Variants in PPP6R1 observed in about 807,000 individuals in gnomAD.
The protein encoded by PPP6R1 is serine/threonine-protein phosphatase 6 regulatory subunit 1.
Under a neutral mutation model 104.6 loss-of-function variants are expected in PPP6R1, and 39 were observed. The ratio of observed to expected loss-of-function variants is 0.37; its 90% CI spans 0.29 to 0.49. The LOEUF (loss-of-function observed/expected upper bound fraction) is 0.49, where lower values mean the gene tolerates loss of function less well. Ranked by LOEUF, PPP6R1 falls within the 20% of genes least tolerant of loss-of-function variation. The probability of loss-of-function intolerance (pLI) is 0.98; values close to 1 mark genes in which losing one functional copy is unlikely to be tolerated. For missense variants in PPP6R1, 1,181 were observed against 1,155.8 expected (o/e 1.02, Z -0.32); for synonymous variants, 549 against 479.0 (o/e 1.15, Z -1.91).
chr19:55,231,860 G>T lies in PPP6R1; in HGVS notation c.2248C>A (p.Gln750Lys). The T allele has an allele frequency of 6.6e-7, 1 of 1,505,222 alleles. No individual in the cohort carries two copies. Among genetic ancestry groups the T allele is most frequent in the Non-Finnish European group, 8.9e-7 (1 of 1,127,508 alleles). The allele number at this position is 1,505,222 out of a possible 1,614,324, so 93.2% of individuals were successfully genotyped here. A position where few individuals can be genotyped will look rare whatever the true frequency, so the allele number is the denominator to read the frequency against. Residue 750 changes from glutamine to lysine, a missense_variant, in exon 19 of 24, where the codon CAG becomes AAG. Gln to Lys is a moderately conservative substitution (Grantham distance 53). Coordinates refer to ENST00000412770, the MANE Select transcript of PPP6R1 (RefSeq NM_014931.4). Reference sequence around the variant, plus strand: ...GCCAGGCTCTGAGTGGGGAGGCCCTGGGGCACACTGAGGGGCCCCTGTGGG... The same window carrying T: ...GCCAGGCTCTGAGTGGGGAGGCCCTTGGGCACACTGAGGGGCCCCTGTGGG... ...PAPQGPLSVPQGLPTQSLASP... is the reference protein window; with the variant it reads ...PAPQGPLSVPKGLPTQSLASP...
Position 55,245,860 on chromosome 19 carries a change from C to T in PPP6R1, c.228-182G>A, listed in dbSNP as rs1405740873. Among the ~76,000 whole-genome samples the T allele has an allele frequency of 6.6e-6, 1 of 152,096 alleles. No individual in the cohort carries two copies. The highest frequency in any genetic ancestry group is 1.5e-5 in the Non-Finnish European group (1 of 68,014). On this transcript the variant is annotated intron_variant, in intron 2 of 23. Coordinates refer to ENST00000412770, the MANE Select transcript of PPP6R1 (RefSeq NM_014931.4). This position sits in a 1 kb window ranked among gnomAD's most constrained non-coding sequence, Gnocchi z 6.4. ...GAAACAAGGGCCCACACCAGGCCTC[C>T]TCCACCCTGCTAACACCCAACCATC... is the stretch of plus-strand genomic sequence containing the variant.
At chr19:55,231,516 T>G in intron 20 of PPP6R1, 25 bp from the exon 21 acceptor site, 1 of 1,600,332 alleles carries the variant, frequency 6.2e-7, no homozygotes, top group Non-Finnish European at 8.5e-7. Flanking sequence ...AGATCTCAGC[T>G]GCAGCTCCCA....
At chr19:55,247,805 G>C (rs2087522757) in intron 1 of PPP6R1, among the ~76,000 whole-genome samples, 1 of 152,156 alleles carries the variant, frequency 6.6e-6, no homozygotes, top group South Asian at 2.1e-4. Context: ...CCAGCACCTG[G>C]GCTGGAACAA....
At chr19:55,251,233 C>T (rs772773417) in intron 1 of PPP6R1, among the ~76,000 whole-genome samples, 6 of 152,208 alleles carry the variant, frequency 3.9e-5, no homozygotes, top group African/African-American at 4.8e-5. Context: ...GAGGTACACA[C>T]TCGTGGCCCT....
At chr19:55,228,344 C>A, downstream of PPP6R1, 1 of 1,613,782 alleles carries the variant, frequency 6.2e-7, no homozygotes, top group Non-Finnish European at 8.5e-7. Flanking sequence ...ACCAGGGCAG[C>A]GAACCAGGAC....
intron 17 of PPP6R1, chr19:55,233,123 A>C (rs549570017): frequency 6.6e-6 from 1 of 152,254 alleles, no homozygotes; most frequent in African/African-American, 2.4e-5. Context: ...GACCACTGTC[A>C]TATGTGGTCC....
At chr19:55,230,738 A>ACCC in intron 22 of PPP6R1, 36 bp downstream of exon 22, 4 of 925,634 alleles carry the variant, frequency 4.3e-6, no homozygotes, top group South Asian at 1.5e-5. Context: ...CACCAGCCCC[A>ACCC]CCCCCACCCC....
chr19:55,236,592 G>T lies in PPP6R1; in HGVS notation c.1988+51C>A, dbSNP rs955317176. ...CCAAATGTGTTGGGGGGACCCCTTG[G>T]CCCTGCCGTGTGGTGGAAGCTTGGA... On this transcript the variant is annotated intron_variant, in intron 17 of 23. Coordinates refer to ENST00000412770, the MANE Select transcript of PPP6R1 (RefSeq NM_014931.4). 1.8e-5 allele frequency: 27 copies of T among 1,462,266 alleles called. No individual in the cohort carries two copies. The Admixed American group carries it at 4.9e-4, about 26-fold the overall frequency. 90.6% of individuals were successfully genotyped at this position (1,462,266 alleles called of 1,614,324 possible). A position where few individuals can be genotyped will look rare whatever the true frequency, so the allele number is the denominator to read the frequency against.
At chr19:55,243,490 A>ACTCTATCT (rs1400330654) in intron 5 of PPP6R1, among the ~76,000 whole-genome samples, 1 of 151,738 alleles carries the variant, frequency 6.6e-6, no homozygotes, top group Non-Finnish European at 1.5e-5. Context: ...ACATAGCAAA[A>ACTCTATCT]CTCTATCTCT....
At chr19:55,236,863 A>G (rs2087403912) in intron 16 of PPP6R1, 42 bp from the exon 17 acceptor site, 1 of 1,610,072 alleles carries the variant, frequency 6.2e-7, no homozygotes, top group East Asian at 2.2e-5. Flanking sequence ...CACTGCCCAC[A>G]GCCCCACACC....
chr19:55,252,755 C>G (rs998474012), intron 1 of PPP6R1, among the ~76,000 whole-genome samples: 7 of 152,110 alleles, frequency 4.6e-5, no homozygotes, highest in East Asian at 1.9e-4. Context: ...CCAGGCTGGT[C>G]TTGAATGCCT....
At position 55,242,158 on chromosome 19, in the gene PPP6R1, T is replaced by A; in HGVS notation, c.845+8A>T. On this transcript the variant is annotated splice_region_variant and intron_variant, in intron 7 of 23. Transcript: ENST00000412770. ...CAGCATGCATGGTCTGTGGCCCGTA[T>A]CCCTCACCTCGGCCTCCTGGGCTCC... is the stretch of plus-strand genomic sequence containing the variant. The A allele has an allele frequency of 6.2e-7, 1 of 1,609,958 alleles. No individual in the cohort carries two copies. Among genetic ancestry groups the A allele is most frequent in the South Asian group, 1.1e-5 (1 of 91,048 alleles).
At position 55,232,193 on chromosome 19, in the gene PPP6R1, G is replaced by T; in HGVS notation, c.2007C>A (p.Asp669Glu). 6.4e-7 allele frequency: 1 copy of T among 1,554,768 alleles called. No homozygotes were observed. Residue 669 changes from aspartate (D) to glutamate (E), a missense_variant, in exon 18 of 24, where the codon GAC (aspartate) becomes GAA (glutamate). By Grantham distance (45) the Asp-to-Glu change is conservative. Around this residue, in one of 2 missense-constraint regions of PPP6R1, gnomAD observed 1,042 missense variants for 955.6 expected, o/e 1.09. Transcript: ENST00000412770. Reference sequence around the variant, plus strand: ...CGTCCTCCTCTTCTTCGTCCTCACTGTCTGTGCTGCCTCCACTCCTGCCCC... The same window carrying T: ...CGTCCTCCTCTTCTTCGTCCTCACTTTCTGTGCTGCCTCCACTCCTGCCCC... Reference protein sequence around the residue: ...PPGVRSGGSTDSEDEEEEDEE... With the variant: ...PPGVRSGGSTESEDEEEEDEE...
Position 55,241,967 on chromosome 19 carries a change from A to C in PPP6R1, c.845+199T>G, listed in dbSNP as rs947010070. On this transcript the variant is annotated intron_variant, in intron 7 of 23. Coordinates refer to ENST00000412770, the MANE Select transcript of PPP6R1 (RefSeq NM_014931.4). The surrounding 1 kb of genome is among the most constrained non-coding windows in gnomAD (Gnocchi z 5.4). ...AAGCTGCAGCAGTGGCCTCAGCCTC[A>C]GTGCCCTCACTTGTCAAAGCAGACA... Among the ~76,000 whole-genome samples, 40 of 152,148 alleles carry C rather than the reference A, an allele frequency of 2.6e-4. No individual in the cohort carries two copies. Among genetic ancestry groups the C allele is most frequent in the Admixed American group, 1.4e-3 (21 of 15,294 alleles).
At chr19:55,228,581 A>C, downstream of PPP6R1, 1 of 1,523,184 alleles carries the variant, frequency 6.6e-7, no homozygotes, top group East Asian at 2.4e-5. Flanking sequence ...GCCAGAACCC[A>C]GCTTCCCAGG....
intron 1 of PPP6R1, among the ~76,000 whole-genome samples, chr19:55,248,071 G>T (rs1017136907): frequency 2.6e-5 from 4 of 152,214 alleles, no homozygotes; most frequent in African/African-American, 9.6e-5. Context: ...GTATTAACAA[G>T]ATGCCAGGCA....
downstream of PPP6R1, chr19:55,228,801 G>A (rs2087311012): frequency 2.6e-6 from 4 of 1,565,200 alleles, no homozygotes; most frequent in Non-Finnish European, 3.5e-6. Context: ...GGGGGTGGAG[G>A]GGAGGGCTCA....
Position 55,258,982 on chromosome 19 carries a change from C to T in PPP6R1, c.-554G>A, listed in dbSNP as rs1473959285. 2 of 152,206 alleles carry T rather than the reference C, an allele frequency of 1.3e-5. No individual in the cohort carries two copies. The highest frequency in any genetic ancestry group is 2.9e-5 in the Non-Finnish European group (2 of 68,064). 9.4% of individuals were successfully genotyped at this position (152,206 alleles called of 1,614,324 possible). ...GGCTCTGCGGCCGGCCTCAGGGCCTCCGACGCCCGGCTCCCTCCGCCACTA... is the reference window on the plus strand; with the variant it reads ...GGCTCTGCGGCCGGCCTCAGGGCCTTCGACGCCCGGCTCCCTCCGCCACTA... On this transcript the variant is annotated 5_prime_UTR_variant, in exon 1 of 24. Coordinates refer to ENST00000412770, the MANE Select transcript of PPP6R1 (RefSeq NM_014931.4).
chr19:55,252,041 A>T (rs6509938), intron 1 of PPP6R1, among the ~76,000 whole-genome samples: 1 of 152,270 alleles, frequency 6.6e-6, no homozygotes, highest in South Asian at 2.1e-4. Flanking sequence ...CAGGCCTCCA[A>T]CTATGTGAAG....
Sources: allele counts gnomAD v4.1 joint callset (sites outside exome capture counted in the v4.1 genomes callset), GRCh38; gene constraint gnomAD v4.1.1; regional missense constraint gnomAD v4.1.1; non-coding constraint Gnocchi (gnomAD v3.1); transcripts MANE v1.5; gene names NCBI Gene and HGNC (gene_info 2026-07-23, HGNC 2026-07-21).